Variants in RNF10 observed in about 807,000 individuals in gnomAD.
RNF10 encodes E3 ubiquitin-protein ligase RNF10.
RNF10 carries 38 observed loss-of-function variants against 91.4 expected under a neutral mutation model. The observed-to-expected ratio is 0.42, with a 90% CI of 0.32 to 0.54. The LOEUF is 0.54. Ranked by LOEUF, RNF10 falls within the 20% of genes least tolerant of loss-of-function variation. The pLI is 0.16. For synonymous variants in RNF10, 364 were observed against 366.3 expected (o/e 0.99, Z 0.07); for missense variants, 945 against 1,012.0 (o/e 0.93, Z 0.90).
chr12:120,566,435 G>A (rs567229750), intron 12 of RNF10, among the ~76,000 whole-genome samples: 5 of 152,108 alleles, frequency 3.3e-5, no homozygotes, highest in East Asian at 1.9e-4. Context: ...TTGGGGGTAC[G>A]CATGTGTGAT....
At chr12:120,544,486 G>A (rs1053875769) in intron 1 of RNF10, among the ~76,000 whole-genome samples, 1 of 151,972 alleles carries the variant, frequency 6.6e-6, no homozygotes, top group African/African-American at 2.4e-5. Context: ...GGCAAACCTC[G>A]TCTCTACAAA....
intron 13 of RNF10, among the ~76,000 whole-genome samples, chr12:120,569,994 G>C (rs1428152064): frequency 6.6e-6 from 1 of 152,060 alleles, no homozygotes. Flanking sequence ...GCGGGTTCAA[G>C]CGATTCTCCT....
At position 120,535,302 on chromosome 12, in the gene RNF10, C is replaced by T. The variant is rs577298125; in HGVS notation, c.157+334C>T. ...GGTTTGTGTGACTCATCAGTCCACG[C>T]TCCTAAAACCACTAAGTTGTTCTAC... is the stretch of plus-strand genomic sequence containing the variant. On this transcript the variant is annotated intron_variant, in intron 1 of 16. Transcript: ENST00000325954. 1.3e-3 allele frequency: 280 copies of T among 216,882 alleles called. 4 individuals carry two copies. The South Asian group carries it at 0.015, about 12-fold the overall frequency. The allele number at this position is 216,882 out of a possible 1,614,324, so 13.4% of individuals were successfully genotyped here. A position where few individuals can be genotyped will look rare whatever the true frequency, so the allele number is the denominator to read the frequency against.
intron 13 of RNF10, among the ~76,000 whole-genome samples, chr12:120,568,481 T>TTC (rs1177441259): frequency 1.6e-5 from 2 of 124,638 alleles, no homozygotes; most frequent in Non-Finnish European, 3.8e-5. Context: ...ATTAATTTCT[T>TTC]TTTTTTTTTT....
chr12:120,565,016 C>T lies in RNF10; in HGVS notation c.1666-56C>T. On this transcript the variant is annotated intron_variant, in intron 10 of 16. Transcript: ENST00000325954. ...TTGTTGGATATCGGGGTTAGGACCC[C>T]CTGCTTTCAGAGTTAGGCTTGCTTT... 4 of 1,210,696 alleles carry T rather than the reference C, an allele frequency of 3.3e-6. No individual in the cohort carries two copies. In the East Asian group the frequency reaches 7.0e-5, roughly 21 times the overall value. The allele number at this position is 1,210,696 out of a possible 1,614,324, so 75.0% of individuals were successfully genotyped here. A position where few individuals can be genotyped will look rare whatever the true frequency, so the allele number is the denominator to read the frequency against.
chr12:120,567,058 G>T, intron 13 of RNF10, 78 bp downstream of exon 13: 3 of 1,414,020 alleles, frequency 2.1e-6, no homozygotes, highest in Non-Finnish European at 2.9e-6. Context: ...TTACAACCCC[G>T]GCCCACTCAG....
chr12:120,535,049 C>T (rs1325606397), intron 1 of RNF10, 81 bp downstream of exon 1: 44 of 1,421,932 alleles, frequency 3.1e-5, no homozygotes, highest in Admixed American at 8.4e-5. Context: ...GGCTGGGTTA[C>T]TCGGGGACAG....
intron 2 of RNF10, among the ~76,000 whole-genome samples, chr12:120,548,970 G>A (rs1872680354): frequency 6.6e-6 from 1 of 152,000 alleles, no homozygotes; most frequent in Non-Finnish European, 1.5e-5. Context: ...GCGCCCGGCT[G>A]AGGGATTTTA....
At chr12:120,568,768 G>A (rs1876154310) in intron 13 of RNF10, among the ~76,000 whole-genome samples, 1 of 151,782 alleles carries the variant, frequency 6.6e-6, no homozygotes, top group East Asian at 1.9e-4. Context: ...GAGCTACTGT[G>A]CCCAGCCTGT....
chr12:120,540,897 C>T (rs1425955942), intron 1 of RNF10, among the ~76,000 whole-genome samples: 2 of 150,136 alleles, frequency 1.3e-5, no homozygotes, highest in African/African-American at 2.5e-5. Flanking sequence ...TCTTGTTGCC[C>T]AGGCTGGAGT....
intron 13 of RNF10, among the ~76,000 whole-genome samples, chr12:120,569,971 CA>C (rs1223334116): frequency 1.3e-5 from 2 of 152,190 alleles, no homozygotes; most frequent in African/African-American, 4.8e-5. Context: ...TGGCTCACTG[CA>C]ACTTCCCCCT....
intron 7 of RNF10, 129 bp downstream of exon 7, chr12:120,561,015 A>T: frequency 1.1e-6 from 1 of 930,690 alleles, no homozygotes; most frequent in Non-Finnish European, 1.6e-6. Flanking sequence ...AGTTAGTTCC[A>T]TTCCACATTT....
intron 9 of RNF10, 63 bp downstream of exon 9, chr12:120,563,686 C>G: frequency 1.3e-6 from 2 of 1,570,136 alleles, no homozygotes; most frequent in Non-Finnish European, 1.7e-6. Context: ...ACCCGGTGCT[C>G]TAAGCAGAGG....
chr12:120,564,232 ATCC>A (rs1875342009), intron 10 of RNF10, among the ~76,000 whole-genome samples: 1 of 152,158 alleles, frequency 6.6e-6, no homozygotes, highest in African/African-American at 2.4e-5. Context: ...TTTGTTTCTT[ATCC>A]TCCTTATTGC....
At chr12:120,560,315 C>G (rs1260087108) in intron 6 of RNF10, among the ~76,000 whole-genome samples, 1 of 151,988 alleles carries the variant, frequency 6.6e-6, no homozygotes, top group Non-Finnish European at 1.5e-5. Context: ...CCAGGCCCGA[C>G]TAACTTTTTT....
intron 1 of RNF10, among the ~76,000 whole-genome samples, chr12:120,543,433 C>T (rs1468787163): frequency 6.6e-6 from 1 of 151,924 alleles, no homozygotes; most frequent in African/African-American, 2.4e-5. Flanking sequence ...ATCACCTGAG[C>T]CTGGAGGATC....
intron 1 of RNF10, among the ~76,000 whole-genome samples, chr12:120,545,699 G>A (rs944852955): frequency 1.3e-5 from 2 of 151,800 alleles, no homozygotes; most frequent in Non-Finnish European, 2.9e-5. Context: ...CACCATGCGC[G>A]GCTAATTTTT....
chr12:120,576,000 T>G, intron 16 of RNF10, 50 bp downstream of exon 16: 1 of 1,586,894 alleles, frequency 6.3e-7, no homozygotes. Flanking sequence ...ACTACACATG[T>G]ACTGCCATTC....
chr12:120,544,339 G>T (rs1593055604), intron 1 of RNF10, among the ~76,000 whole-genome samples: 2 of 142,560 alleles, frequency 1.4e-5, no homozygotes, highest in South Asian at 4.5e-4. Context: ...GGGTAACAAA[G>T]TGAGACCCCA....
Sources: gnomAD v4.1 joint callset for allele counts (sites outside exome capture counted in the v4.1 genomes callset) on GRCh38, gnomAD v4.1.1 for gene constraint, MANE v1.5 for transcripts, NCBI Gene and HGNC (gene_info 2026-07-23, HGNC 2026-07-21) for gene names.